PGM5: variants seen among roughly 807,000 people sequenced by gnomAD.
The protein encoded by PGM5 is phosphoglucomutase-like protein 5.
Under a neutral mutation model 59.2 loss-of-function variants are expected in PGM5, and 23 were observed. The observed-to-expected ratio is 0.39, with a 90% CI of 0.28 to 0.55. PGM5 has a LOEUF of 0.55. PGM5 is among the 20% of genes least tolerant of loss of function. The probability of loss-of-function intolerance (pLI) is 0.66; values close to 1 mark genes in which losing one functional copy is unlikely to be tolerated. For synonymous variants in PGM5, 214 were observed against 286.0 expected (o/e 0.75, Z 2.54); for missense variants, 574 against 748.3 (o/e 0.77, Z 2.72).
chr9:68,484,541 A>AAC (rs72293391), intron 9 of PGM5, among the ~76,000 whole-genome samples: 1,977 of 132,316 alleles, frequency 0.015, 31 homozygotes, highest in African/African-American at 0.04. Context: ...CCATGTCTCA[A>AAC]ACACACACAC....
intron 10 of PGM5, among the ~76,000 whole-genome samples, chr9:68,522,956 T>C (rs1824920837): frequency 6.6e-6 from 1 of 152,264 alleles, no homozygotes; most frequent in Admixed American, 6.5e-5. Context: ...TTTCTCATAA[T>C]CCAGGATTAC....
At chr9:68,421,346 G>A (rs1448228101) in intron 6 of PGM5, among the ~76,000 whole-genome samples, 2 of 152,150 alleles carry the variant, frequency 1.3e-5, no homozygotes, top group Non-Finnish European at 2.9e-5. Flanking sequence ...TCTATAGATG[G>A]TCTCTCTTCT....
At position 68,437,647 on chromosome 9, in the gene PGM5, A is replaced by T. The variant is rs1255201580; in HGVS notation, c.1044-27446A>T. Among the ~76,000 whole-genome samples the T allele has an allele frequency of 5.8e-4, 89 of 152,218 alleles. No homozygotes were observed. Among genetic ancestry groups the T allele is most frequent in the Non-Finnish European group, 3.5e-4 (24 of 67,990 alleles). The stretch of plus-strand genomic sequence containing the variant: ...ATGCATATACTGTATATACACACCC[A>T]CAATACTTTGTAGAAATGCTGCCAG... On this transcript the variant is annotated intron_variant, in intron 6 of 10. Transcript: ENST00000396396. The surrounding 1 kb of genome is among the most constrained non-coding windows in gnomAD (Gnocchi z 4.1).
chr9:68,420,874 G>A (rs916529084), intron 6 of PGM5, among the ~76,000 whole-genome samples: 1 of 152,198 alleles, frequency 6.6e-6, no homozygotes, highest in Non-Finnish European at 1.5e-5. Context: ...TCATGTGGTG[G>A]TTATGAAAGC....
At chr9:68,435,628 C>T (rs1030286577) in intron 6 of PGM5, among the ~76,000 whole-genome samples, 6 of 152,134 alleles carry the variant, frequency 3.9e-5, no homozygotes, top group Admixed American at 3.9e-4. Context: ...AATAATATTT[C>T]ACCATATGGT....
chr9:68,502,285 A>G (rs2132107390), intron 10 of PGM5, among the ~76,000 whole-genome samples: 1 of 152,272 alleles, frequency 6.6e-6, no homozygotes, highest in South Asian at 2.1e-4. Flanking sequence ...GCCTTCAATG[A>G]GCCCTCAAAC....
At chr9:68,528,667 A>C (rs1587236865) in intron 10 of PGM5, among the ~76,000 whole-genome samples, 2 of 152,246 alleles carry the variant, frequency 1.3e-5, no homozygotes, top group South Asian at 4.1e-4. Context: ...TTCAATAAAA[A>C]CATTCAGTGA....
At chr9:68,441,276 A>G (rs1251218265) in intron 6 of PGM5, among the ~76,000 whole-genome samples, 1 of 152,118 alleles carries the variant, frequency 6.6e-6, no homozygotes, top group East Asian at 1.9e-4. Flanking sequence ...TCCCCAACAC[A>G]TTTTATGAGG....
intron 6 of PGM5, among the ~76,000 whole-genome samples, chr9:68,431,906 G>C (rs1554683059): frequency 6.6e-6 from 1 of 152,098 alleles, no homozygotes; most frequent in African/African-American, 2.4e-5. Context: ...GGATGGGGGT[G>C]GGTGATCAAG....
chr9:68,421,178 C>T (rs190919401), intron 6 of PGM5, among the ~76,000 whole-genome samples: 67 of 152,300 alleles, frequency 4.4e-4, no homozygotes, highest in African/African-American at 1.5e-3. Flanking sequence ...CACTCTGCCC[C>T]GTTCACTGAT....
chr9:68,493,807 G>A (rs144311343), intron 9 of PGM5, among the ~76,000 whole-genome samples: 64 of 152,324 alleles, frequency 4.2e-4, no homozygotes, highest in African/African-American at 1.5e-3. Flanking sequence ...AAATCAAAGA[G>A]GGGGCAAATC....
intron 8 of PGM5, among the ~76,000 whole-genome samples, chr9:68,481,423 C>G (rs1215027523): frequency 1.3e-5 from 2 of 152,142 alleles, no homozygotes; most frequent in African/African-American, 4.8e-5. Flanking sequence ...GTACCAAAAC[C>G]CCCTGATTCA....
At chr9:68,408,698 A>G (rs1554681350) in intron 6 of PGM5, among the ~76,000 whole-genome samples, 1 of 152,142 alleles carries the variant, frequency 6.6e-6, no homozygotes, top group Admixed American at 6.5e-5. Flanking sequence ...TAGGGTTTTT[A>G]TGGTTTTAGG....
intron 7 of PGM5, among the ~76,000 whole-genome samples, chr9:68,472,788 G>A (rs2132084672): frequency 6.6e-6 from 1 of 152,286 alleles, no homozygotes; most frequent in South Asian, 2.1e-4. Flanking sequence ...TCAGCCTTGT[G>A]TGAAACACTA....
intron 9 of PGM5, among the ~76,000 whole-genome samples, chr9:68,493,424 T>C (rs1824431769): frequency 6.6e-6 from 1 of 152,234 alleles, no homozygotes; most frequent in Non-Finnish European, 1.5e-5. Flanking sequence ...TGTGTGAATA[T>C]CAGTAGTTGC....
chr9:68,406,058 CA>C (rs1490487647), intron 6 of PGM5: 1 of 152,086 alleles, frequency 6.6e-6, no homozygotes, highest in East Asian at 1.9e-4. Context: ...TTAAGAAAAG[CA>C]AGCATTTATG....
At chr9:68,464,343 CA>C (rs1823900389) in intron 6 of PGM5, among the ~76,000 whole-genome samples, 1 of 152,160 alleles carries the variant, frequency 6.6e-6, no homozygotes, top group Non-Finnish European at 1.5e-5. Context: ...GGATTGAACA[CA>C]GAGAAGTTGG....
At chr9:68,376,833 C>CTTTCTTTCTCTT (rs1461144548) in intron 1 of PGM5, among the ~76,000 whole-genome samples, 2 of 77,914 alleles carry the variant, frequency 2.6e-5, no homozygotes, top group Admixed American at 1.5e-4. Context: ...TTCTTTCTTT[C>CTTTCTTTCTCTT]TCTTTCTTTC....
intron 10 of PGM5, among the ~76,000 whole-genome samples, chr9:68,513,135 T>C (rs778728066): frequency 4.6e-5 from 7 of 152,256 alleles, no homozygotes; most frequent in African/African-American, 1.4e-4. Context: ...GGGTAAACCA[T>C]ACACACTATA....
Sources: gnomAD v4.1 joint callset for allele counts (sites outside exome capture counted in the v4.1 genomes callset) on GRCh38, gnomAD v4.1.1 for gene constraint, Gnocchi (gnomAD v3.1) non-coding constraint, MANE v1.5 for transcripts, NCBI Gene and HGNC (gene_info 2026-07-23, HGNC 2026-07-21) for gene names.